RNF217: variants seen among roughly 807,000 people sequenced by gnomAD.
The protein encoded by RNF217 is ring finger protein 217.
A neutral mutation model predicts 57.8 loss-of-function variants in RNF217; 31 were observed. That is an observed-to-expected ratio of 0.54 (90% CI 0.40 to 0.72). The LOEUF (loss-of-function observed/expected upper bound fraction) is 0.72, where lower values mean the gene tolerates loss of function less well. Among genes scored for constraint, RNF217 ranks in the 30% least tolerant of loss-of-function variants. RNF217 has a pLI of 0.00. For synonymous variants in RNF217, 313 were observed against 294.0 expected, an observed-to-expected ratio of 1.06 and a Z score of -0.66; for missense variants, 696 against 708.3, an observed-to-expected ratio of 0.98 and a Z score of 0.20.
chr6:124,998,624 C>A (rs1019553411), intron 1 of RNF217, among the ~76,000 whole-genome samples: 1 of 152,040 alleles, frequency 6.6e-6, no homozygotes, highest in Non-Finnish European at 1.5e-5. Context: ...ATGATGAAAC[C>A]CCATCTCTAA....
chr6:125,051,458 T>C (rs1787313297), intron 2 of RNF217, among the ~76,000 whole-genome samples: 1 of 152,038 alleles, frequency 6.6e-6, no homozygotes, highest in African/African-American at 2.4e-5. Context: ...TCTGTGCTAC[T>C]ACCTTTCCAT....
chr6:125,056,775 T>C (rs1032963374), intron 2 of RNF217, among the ~76,000 whole-genome samples: 3 of 152,206 alleles, frequency 2.0e-5, no homozygotes, highest in African/African-American at 7.2e-5. Flanking sequence ...ATTAATCCAT[T>C]GTAATCACAT....
chr6:124,993,065 A>G (rs930495161), intron 1 of RNF217, among the ~76,000 whole-genome samples: 6 of 152,220 alleles, frequency 3.9e-5, no homozygotes, highest in Non-Finnish European at 8.8e-5. Context: ...GCATAATCAA[A>G]TAAAACATTT....
intron 1 of RNF217, among the ~76,000 whole-genome samples, chr6:124,997,024 T>G (rs549193732): frequency 3.5e-5 from 5 of 143,262 alleles, no homozygotes; most frequent in Middle Eastern, 3.4e-3. Context: ...CCTGCAAGTT[T>G]AGGTTCTACA....
intron 1 of RNF217, among the ~76,000 whole-genome samples, chr6:125,017,396 A>G (rs1785653388): frequency 6.6e-6 from 1 of 152,190 alleles, no homozygotes; most frequent in African/African-American, 2.4e-5. Flanking sequence ...TAGCTCTTTG[A>G]TGAACTGGCA....
chr6:124,978,181 G>C (rs1395045448), intron 1 of RNF217, among the ~76,000 whole-genome samples: 1 of 151,810 alleles, frequency 6.6e-6, no homozygotes, highest in Non-Finnish European at 1.5e-5. Context: ...AGGCAAATAT[G>C]GGGCCATGTA....
In RNF217 at chr6:125,087,925, C is replaced by G. The variant is rs141318923; in HGVS notation, c.*4988C>G. ...CAATCAAAACTACCAGTTTTGCACA[C>G]CAATCCCAAGTTTAAGCATATTTTG... is the stretch of plus-strand genomic sequence containing the variant. On this transcript the variant is annotated 3_prime_UTR_variant, in exon 6 of 6. Coordinates refer to ENST00000521654, the MANE Select transcript of RNF217 (RefSeq NM_001286398.3). 2.3e-4 allele frequency: 35 copies of G among 151,958 alleles called. No homozygotes were observed. The East Asian group carries it at 5.6e-3, about 24-fold the overall frequency. The allele number at this position is 151,958 out of a possible 1,614,324, so 9.4% of individuals were successfully genotyped here. A position where few individuals can be genotyped will look rare whatever the true frequency, so the allele number is the denominator to read the frequency against.
At chr6:125,033,203 T>C (rs1786437288) in intron 1 of RNF217, among the ~76,000 whole-genome samples, 1 of 152,032 alleles carries the variant, frequency 6.6e-6, no homozygotes, top group Non-Finnish European at 1.5e-5. Flanking sequence ...TGTTCTTTTT[T>C]TTTTTTTATA....
chr6:125,076,555 A>AAGTGC (rs1788379889), intron 3 of RNF217, 102 bp from the exon 4 acceptor site: 2 of 716,896 alleles, frequency 2.8e-6, no homozygotes, highest in Non-Finnish European at 4.9e-6. Flanking sequence ...AGAGACTTTT[A>AAGTGC]TTTTGGTGAA....
At chr6:124,963,941 A>G (rs1228686130) in intron 1 of RNF217, among the ~76,000 whole-genome samples, 1 of 152,230 alleles carries the variant, frequency 6.6e-6, no homozygotes, top group East Asian at 1.9e-4. Context: ...CCTACTTTTC[A>G]GTTTCCTTTT....
intron 1 of RNF217, among the ~76,000 whole-genome samples, chr6:125,022,462 C>G (rs1419576853): frequency 6.6e-6 from 1 of 152,188 alleles, no homozygotes; most frequent in African/African-American, 2.4e-5. Context: ...AGCAGGCTGA[C>G]AGGGCCAGAA....
At chr6:125,018,636 A>T (rs931834929) in intron 1 of RNF217, among the ~76,000 whole-genome samples, 3 of 152,230 alleles carry the variant, frequency 2.0e-5, no homozygotes, top group Middle Eastern at 3.2e-3. Flanking sequence ...TTGTTAACTT[A>T]GACGATTAAA....
chr6:124,964,371 A>G (rs997549382), intron 1 of RNF217, among the ~76,000 whole-genome samples: 4 of 152,080 alleles, frequency 2.6e-5, no homozygotes, highest in Non-Finnish European at 4.4e-5. Context: ...AGTATCTTAT[A>G]TTATCTTACA....
chr6:125,053,218 GTTACTATATGCCTTTA>G (rs1483433451), intron 2 of RNF217, among the ~76,000 whole-genome samples: 2 of 152,208 alleles, frequency 1.3e-5, no homozygotes, highest in East Asian at 3.9e-4. Context: ...TATTCTGGCA[GTTACTATATGCCTTTA>G]TAGCTCTTTT....
intron 2 of RNF217, among the ~76,000 whole-genome samples, chr6:125,053,887 G>A (rs775215478): frequency 4.9e-4 from 74 of 152,102 alleles, no homozygotes; most frequent in Non-Finnish European, 6.9e-4. Context: ...TTTGTGCGTT[G>A]ATCATAGTGC....
At chr6:124,992,339 A>G (rs1262055010) in intron 1 of RNF217, among the ~76,000 whole-genome samples, 2 of 152,182 alleles carry the variant, frequency 1.3e-5, no homozygotes, top group African/African-American at 4.8e-5. Flanking sequence ...TACATATATT[A>G]AAACATGTTT....
chr6:124,999,178 T>C (rs115574287), intron 1 of RNF217, among the ~76,000 whole-genome samples: 239 of 152,364 alleles, frequency 1.6e-3, no homozygotes, highest in African/African-American at 5.2e-3. Context: ...AGTCCAGTTC[T>C]GAGACTGGCT....
chr6:125,013,562 A>AG (rs1491548863), intron 1 of RNF217, among the ~76,000 whole-genome samples: 1 of 151,840 alleles, frequency 6.6e-6, no homozygotes, highest in African/African-American at 2.4e-5. Context: ...AAAAAAAAAA[A>AG]GTAGTCTGAA....
chr6:125,029,542 G>C lies in RNF217; in HGVS notation c.883-15669G>C, dbSNP rs552484454. Among the ~76,000 whole-genome samples the C allele has an allele frequency of 3.9e-5, 6 of 152,258 alleles. No individual in the cohort carries two copies. In the South Asian group the frequency reaches 1.2e-3, roughly 32 times the overall value. On this transcript the variant is annotated intron_variant, in intron 1 of 5. Coordinates refer to ENST00000521654, the MANE Select transcript of RNF217 (RefSeq NM_001286398.3). ...AGATACTTTGTTTTGGCATGAAAAG[G>C]CTCCGTTGAAGTTTCTGTTAAAGAA...
Sources: gnomAD v4.1 joint callset for allele counts (sites outside exome capture counted in the v4.1 genomes callset) on GRCh38, gnomAD v4.1.1 for gene constraint, MANE v1.5 for transcripts, NCBI Gene and HGNC (gene_info 2026-07-23, HGNC 2026-07-21) for gene names.